The following ZNF106 variants were observed in gnomAD, a reference collection of about 807,000 sequenced individuals.
ZNF106 encodes the protein SH3-domain binding protein 3.
A neutral mutation model predicts 195.1 loss-of-function variants in ZNF106; 67 were observed. That is an observed-to-expected ratio of 0.34 (90% CI 0.28 to 0.42). The LOEUF is 0.42. Among genes scored for constraint, ZNF106 ranks in the 10% least tolerant of loss-of-function variants. The pLI, the probability that ZNF106 is intolerant of heterozygous loss-of-function variation, is 1.00. For missense variants in ZNF106, 2,118 were observed against 2,304.5 expected, an observed-to-expected ratio of 0.92 and a Z score of 1.66; for synonymous variants, 784 against 818.6, an observed-to-expected ratio of 0.96 and a Z score of 0.72.
chr15:42,446,467 C>T (rs2055773859), intron 7 of ZNF106, 122 bp downstream of exon 7: 1 of 744,730 alleles, frequency 1.3e-6, no homozygotes, highest in East Asian at 2.7e-5. Flanking sequence ...GTCCTAGCTG[C>T]TCGGGAGGCT....
chr15:42,466,916 C>A (rs2056531103), intron 2 of ZNF106, among the ~76,000 whole-genome samples: 1 of 151,882 alleles, frequency 6.6e-6, no homozygotes, highest in Non-Finnish European at 1.5e-5. Flanking sequence ...GGGCAGATCA[C>A]GAAGTCAGGA....
At position 42,415,187 on chromosome 15, in the gene ZNF106, T is replaced by C. The variant is rs1200626683; in HGVS notation, c.*2117A>G. On this transcript the variant is annotated 3_prime_UTR_variant, in exon 22 of 22. Coordinates refer to ENST00000564754, the MANE Select transcript of ZNF106 (RefSeq NM_001366845.3). ...CCCAGGCTGGAGTGCAGTAGTATGATCTTGGCTCACTGCAACTTCTACCTC... is the reference window on the plus strand; with the variant it reads ...CCCAGGCTGGAGTGCAGTAGTATGACCTTGGCTCACTGCAACTTCTACCTC... 8.5e-6 allele frequency: 2 copies of C among 236,320 alleles called. No homozygotes were observed. The highest frequency in any genetic ancestry group is 1.7e-5 in the Non-Finnish European group (2 of 116,342). The allele number at this position is 236,320 out of a possible 1,614,324, so 14.6% of individuals were successfully genotyped here. A position where few individuals can be genotyped will look rare whatever the true frequency, so the allele number is the denominator to read the frequency against.
At chr15:42,460,955 T>G (rs1262897554) in intron 3 of ZNF106, among the ~76,000 whole-genome samples, 1 of 150,828 alleles carries the variant, frequency 6.6e-6, no homozygotes, top group East Asian at 1.9e-4. Context: ...AAATAGAAAC[T>G]TTGCAAGAAA....
rs2141246705 is a variant in ZNF106, at chr15:42,416,930, CAT to C, written c.*372_*373del. 1 of 163,026 alleles carries C rather than the reference CAT, an allele frequency of 6.1e-6. No homozygotes were observed. The highest frequency in any genetic ancestry group is 2.4e-5 in the African/African-American group (1 of 41,702). The allele number at this position is 163,026 out of a possible 1,614,324, so 10.1% of individuals were successfully genotyped here. A position where few individuals can be genotyped will look rare whatever the true frequency, so the allele number is the denominator to read the frequency against. On this transcript the variant is annotated 3_prime_UTR_variant, in exon 22 of 22. Transcript: ENST00000564754. The stretch of plus-strand genomic sequence containing the variant: ...CTATAGGTTTAAACCATCATAAGAA[CAT>C]AAATTAAAAATTGCAAACTGAAATC...
At chr15:42,447,816 T>C (rs377420628) in intron 6 of ZNF106, among the ~76,000 whole-genome samples, 7 of 152,316 alleles carry the variant, frequency 4.6e-5, no homozygotes, top group African/African-American at 1.4e-4. Flanking sequence ...ATACAAAGAA[T>C]CATTGGCTTG....
intron 1 of ZNF106, among the ~76,000 whole-genome samples, chr15:42,488,410 T>C (rs1029678397): frequency 3.3e-5 from 5 of 152,166 alleles, no homozygotes; most frequent in Non-Finnish European, 7.3e-5. Context: ...TGGGAGCTTC[T>C]TGATAGTTTC....
intron 14 of ZNF106, among the ~76,000 whole-genome samples, 188 bp from the exon 15 acceptor site, chr15:42,428,322 T>C (rs539295912): frequency 2.6e-5 from 4 of 152,186 alleles, no homozygotes; most frequent in Non-Finnish European, 5.9e-5. Flanking sequence ...TTCCAAGCTG[T>C]AGGTAATATG....
chr15:42,453,093 TTTAAATAAGA>T (rs948890818), intron 4 of ZNF106, among the ~76,000 whole-genome samples: 6 of 152,272 alleles, frequency 3.9e-5, no homozygotes, highest in Admixed American at 3.9e-4. Context: ...CTTAACCTAT[TTTAAATAAGA>T]TGATACTTTG....
At chr15:42,438,384 C>A (rs551848967) in intron 12 of ZNF106, among the ~76,000 whole-genome samples, 149 of 152,282 alleles carry the variant, frequency 9.8e-4, no homozygotes, top group Non-Finnish European at 1.9e-3. Context: ...GAGCAAGACT[C>A]TGTTACAACC....
intron 19 of ZNF106, 84 bp from the exon 20 acceptor site, chr15:42,421,216 G>T: frequency 8.0e-7 from 1 of 1,250,738 alleles, no homozygotes; most frequent in Non-Finnish European, 1.2e-6. Context: ...CAAGCTCCTT[G>T]CAGCAGCTAC....
At position 42,413,087 on chromosome 15, in the gene ZNF106, C is replaced by G. The variant is rs1229129908; in HGVS notation, c.*4217G>C. ...TCAACAGCTTTTCCTCCTTGACCCC[C>G]TCCTTTCCCAATTTATTTGGGTCAC... is the stretch of plus-strand genomic sequence containing the variant. On this transcript the variant is annotated 3_prime_UTR_variant, in exon 22 of 22. Transcript: ENST00000564754. The G allele has an allele frequency of 1.3e-5, 2 of 152,182 alleles. No individual in the cohort carries two copies. Among genetic ancestry groups the G allele is most frequent in the Admixed American group, 1.3e-4 (2 of 15,284 alleles). 9.4% of individuals were successfully genotyped at this position (152,182 alleles called of 1,614,324 possible). A position where few individuals can be genotyped will look rare whatever the true frequency, so the allele number is the denominator to read the frequency against.
chr15:42,435,041 T>C (rs2055220186), intron 14 of ZNF106, among the ~76,000 whole-genome samples: 1 of 152,256 alleles, frequency 6.6e-6, no homozygotes, highest in Non-Finnish European at 1.5e-5. Flanking sequence ...CCCAAAGTGC[T>C]GGGATTAGAG....
intron 3 of ZNF106, chr15:42,457,668 G>T: frequency 2.2e-6 from 1 of 452,594 alleles, no homozygotes; most frequent in Non-Finnish European, 2.9e-6. Context: ...CTGGAGCTCT[G>T]CCTGGAATGT....
rs763429207 is a variant in ZNF106 at position 42,450,574 on chromosome 15, C to A, written c.1698G>T (p.Gln566His). 2 of 1,614,200 alleles carry A rather than the reference C, an allele frequency of 1.2e-6. No individual in the cohort carries two copies. The highest frequency in any genetic ancestry group is 1.7e-6 in the Non-Finnish European group (2 of 1,180,042). ...GTGGATTTTGCAATGACTCATGACA[C>A]TGTAGCACCTCTTTGGCCTTTCGTA... ...DTLRKAKEVL[Q>H]CHESLQNPLL... The change falls in exon 5 of 22, where the codon CAG becomes CAT. Residue 566 changes from glutamine (Q) to histidine (H), a missense_variant. Physicochemically the swap from Gln to His is conservative, Grantham distance 24 (BLOSUM62 0). Coordinates refer to ENST00000564754, the MANE Select transcript of ZNF106 (RefSeq NM_001366845.3).
At chr15:42,484,578 A>T (rs972946987) in intron 1 of ZNF106, among the ~76,000 whole-genome samples, 17 of 151,998 alleles carry the variant, frequency 1.1e-4, no homozygotes, top group Non-Finnish European at 2.2e-4. Context: ...CATCTCTACT[A>T]AACACAAAAA....
Position 42,439,682 on chromosome 15 carries a change from T to C in ZNF106, c.3895A>G (p.Arg1299Gly). 6.2e-7 allele frequency: 1 copy of C among 1,614,050 alleles called. No homozygotes were observed. Among genetic ancestry groups the C allele is most frequent in the Non-Finnish European group, 8.5e-7 (1 of 1,179,990 alleles). ...GATTGGGAAGAGGGAGAGTTTTCTC[T>C]GTTTCTGGTATTTCTTTGCTCCACA... ...FSVEQRNTRN[R>G]ENSPSSQSAG... The change falls in exon 11 of 22, where the codon AGA (arginine) becomes GGA (glycine). Residue 1299 changes from arginine to glycine, a missense_variant. Arg to Gly is a moderately radical substitution (Grantham distance 125). Transcript: ENST00000564754.
Position 42,437,310 on chromosome 15 carries a change from G to A in ZNF106, c.4668C>T (p.Ala1556=), listed in dbSNP as rs4924677. The A allele has an allele frequency of 0.029, 46,939 of 1,613,916 alleles. 2,705 individuals are homozygous for A. The highest frequency in any genetic ancestry group is 0.2 in the Admixed American group (11,732 of 59,972). Residue 1556 remains alanine, a synonymous_variant, in exon 13 of 22, where the codon GCC becomes GCT. Transcript: ENST00000564754. ...TEGSFEGHQA[A]VNAIQIFGNL... is the part of the protein sequence containing the mutation. ...TCCCAAATATCTGAATTGCATTTAC[G>A]GCAGCTTGGTGTCCCTCAAAGCTTC... is the stretch of plus-strand genomic sequence containing the variant.
In ZNF106 at chr15:42,448,196, GAC is replaced by G; in HGVS notation, c.3009_3010del (p.Ser1004IlefsTer19). ...CGCAAGGGCTGAGGATGCGCTTGAT[GAC>G]AGACAGTTTCCCTCTCCATTACTCT... On this transcript the variant is annotated frameshift_variant, in exon 6 of 22. Coordinates refer to ENST00000564754, the MANE Select transcript of ZNF106 (RefSeq NM_001366845.3). LOFTEE classifies it high-confidence loss of function. The G allele has an allele frequency of 6.2e-7, 1 of 1,614,160 alleles. No individual in the cohort carries two copies. Among genetic ancestry groups the G allele is most frequent in the Non-Finnish European group, 8.5e-7 (1 of 1,180,010 alleles).
chr15:42,414,939 T>C lies in ZNF106; in HGVS notation c.*2365A>G, dbSNP rs1421908706. The stretch of plus-strand genomic sequence containing the variant: ...AGGTGGGAAAAGCTTCTCAATCTCA[T>C]ACAGAAACAGCACAAATATTTAATA... On this transcript the variant is annotated 3_prime_UTR_variant, in exon 22 of 22. Coordinates refer to ENST00000564754, the MANE Select transcript of ZNF106 (RefSeq NM_001366845.3). 1 of 152,266 alleles carries C rather than the reference T, an allele frequency of 6.6e-6. No homozygotes were observed. The highest frequency in any genetic ancestry group is 1.5e-5 in the Non-Finnish European group (1 of 68,116). The allele number at this position is 152,266 out of a possible 1,614,324, so 9.4% of individuals were successfully genotyped here.
Sources: gnomAD v4.1 joint callset for allele counts (sites outside exome capture counted in the v4.1 genomes callset) on GRCh38, gnomAD v4.1.1 for gene constraint, MANE v1.5 for transcripts, NCBI Gene and HGNC (gene_info 2026-07-23, HGNC 2026-07-21) for gene names.